ZC2HC1A: variants seen among roughly 807,000 people sequenced by gnomAD.
ZC2HC1A encodes the protein zinc finger C2HC domain-containing protein 1A.
ZC2HC1A carries 28 observed loss-of-function variants against 40.7 expected under a neutral mutation model. The observed-to-expected ratio is 0.69, with a 90% CI of 0.51 to 0.94. The LOEUF is 0.94. Ranked by LOEUF, ZC2HC1A falls within the 40% of genes least tolerant of loss-of-function variation. The pLI is 0.00. For missense variants in ZC2HC1A, 389 were observed against 386.3 expected (o/e 1.01, Z -0.06); for synonymous variants, 129 against 129.2 (o/e 1.00, Z 0.01).
intron 7 of ZC2HC1A, among the ~76,000 whole-genome samples, chr8:78,704,387 CAAAAAA>C (rs1307275741): frequency 3.1e-5 from 2 of 65,262 alleles, no homozygotes. Flanking sequence ...GACTCCATCT[CAAAAAA>C]AAAAAAAAAA....
chr8:78,700,891 G>A (rs1472181424), intron 7 of ZC2HC1A, among the ~76,000 whole-genome samples: 3 of 152,118 alleles, frequency 2.0e-5, no homozygotes, highest in African/African-American at 7.2e-5. Context: ...TTTGATTACT[G>A]TAGCCCTGTA....
intron 2 of ZC2HC1A, among the ~76,000 whole-genome samples, chr8:78,677,102 C>G (rs1251920611): frequency 6.6e-6 from 1 of 152,052 alleles, no homozygotes; most frequent in Non-Finnish European, 1.5e-5. Flanking sequence ...GCCTAAGAGG[C>G]TGCAAGACAC....
At position 78,697,405 on chromosome 8, in the gene ZC2HC1A, A is replaced by G; in HGVS notation, c.505-2A>G. 6.3e-7 allele frequency: 1 copy of G among 1,583,790 alleles called. No individual in the cohort carries two copies. Among genetic ancestry groups the G allele is most frequent in the Admixed American group, 1.9e-5 (1 of 51,420 alleles). ...ATTAATATTTTTTTTCCATTATTTT[A>G]GTATAAGCCACCCGCACTTAAAAAG... On this transcript the variant is annotated splice_acceptor_variant, in intron 5 of 8. Coordinates refer to ENST00000263849, the MANE Select transcript of ZC2HC1A (RefSeq NM_016010.3). LOFTEE classifies it high-confidence loss of function.
chr8:78,707,027 G>A lies in ZC2HC1A; in HGVS notation c.705-8194G>A, dbSNP rs150845834. Among the ~76,000 whole-genome samples the A allele has an allele frequency of 1.7e-3, 265 of 152,254 alleles. 1 individual carries two copies. The highest frequency in any genetic ancestry group is 6.1e-3 in the African/African-American group (255 of 41,540). ...AAAAGTAAAAAAATTTTATCTTTTA[G>A]TGGTAAGAAACTGATCTGATTTATT... On this transcript the variant is annotated intron_variant, in intron 7 of 8. Coordinates refer to ENST00000263849, the MANE Select transcript of ZC2HC1A (RefSeq NM_016010.3).
At chr8:78,666,662 A>C (rs1045626781) in intron 1 of ZC2HC1A, among the ~76,000 whole-genome samples, 1 of 152,162 alleles carries the variant, frequency 6.6e-6, no homozygotes, top group Non-Finnish European at 1.5e-5. Flanking sequence ...TTTCGACAGC[A>C]TCTTCTGTCG....
chr8:78,716,109 T>G (rs1811093211), intron 8 of ZC2HC1A, among the ~76,000 whole-genome samples: 1 of 151,432 alleles, frequency 6.6e-6, no homozygotes. Flanking sequence ...ATTACTGTTT[T>G]TTTTTGTTTT....
At chr8:78,669,263 A>C (rs966104123) in intron 1 of ZC2HC1A, among the ~76,000 whole-genome samples, 1 of 152,096 alleles carries the variant, frequency 6.6e-6, no homozygotes, top group Non-Finnish European at 1.5e-5. Context: ...TAGCTCTATG[A>C]TTTGGGCAGT....
chr8:78,675,595 C>T, intron 1 of ZC2HC1A, 192 bp from the exon 2 acceptor site: 4 of 513,396 alleles, frequency 7.8e-6, no homozygotes, highest in Non-Finnish European at 1.4e-5. Context: ...CATATTTATC[C>T]TGACCTTTTT....
chr8:78,681,038 TC>T lies in ZC2HC1A; in HGVS notation c.210+2361del, dbSNP rs1809760514. On this transcript the variant is annotated intron_variant, in intron 3 of 8. Coordinates refer to ENST00000263849, the MANE Select transcript of ZC2HC1A (RefSeq NM_016010.3). ...TAGAAAACATTAGTGAAAATCCCTT[TC>T]CTGAAGATGAGGGGCCTAACATAAA... is the stretch of plus-strand genomic sequence containing the variant. Among the ~76,000 whole-genome samples, 4 of 151,214 alleles carry T rather than the reference TC, an allele frequency of 2.6e-5. No homozygotes were observed. In the South Asian group the frequency reaches 8.4e-4, roughly 32 times the overall value.
chr8:78,698,282 A>G (rs1443099174), intron 6 of ZC2HC1A, 132 bp from the exon 7 acceptor site: 5 of 700,844 alleles, frequency 7.1e-6, no homozygotes, highest in Non-Finnish European at 1.1e-5. Context: ...TGCCATTTAA[A>G]AAATGTCTTC....
intron 5 of ZC2HC1A, among the ~76,000 whole-genome samples, chr8:78,692,102 A>G (rs1302190689): frequency 2.6e-5 from 4 of 152,160 alleles, no homozygotes; most frequent in Non-Finnish European, 4.4e-5. Flanking sequence ...CATTTACTGT[A>G]TTCACCATGC....
At position 78,697,421 on chromosome 8, in the gene ZC2HC1A, A is replaced by C. The variant is rs769129669; in HGVS notation, c.519A>C (p.Ala173=). The C allele has an allele frequency of 6.3e-7, 1 of 1,599,764 alleles. No individual in the cohort carries two copies. Among genetic ancestry groups the C allele is most frequent in the African/African-American group, 1.4e-5 (1 of 73,784 alleles). Residue 173 remains alanine, a synonymous_variant, in exon 6 of 9, where the codon GCA becomes GCC. Transcript: ENST00000263849. ...TSRTQVYKPP[A]LKKSNSPGTA... is the part of the protein sequence containing the mutation. The stretch of plus-strand genomic sequence containing the variant: ...CATTATTTTAGTATAAGCCACCCGC[A>C]CTTAAAAAGTCAAATTCTCCTGGAA...
chr8:78,693,820 T>C (rs1169873911), intron 5 of ZC2HC1A, among the ~76,000 whole-genome samples: 1 of 152,234 alleles, frequency 6.6e-6, no homozygotes. Flanking sequence ...GCCTGTGTCC[T>C]GAATGGTATT....
At chr8:78,667,561 T>A (rs1231798110) in intron 1 of ZC2HC1A, among the ~76,000 whole-genome samples, 1 of 152,198 alleles carries the variant, frequency 6.6e-6, no homozygotes, top group African/African-American at 2.4e-5. Context: ...CATTTGTTAT[T>A]AAGACAAAGA....
At chr8:78,677,366 T>C (rs1048268195) in intron 2 of ZC2HC1A, among the ~76,000 whole-genome samples, 1 of 150,512 alleles carries the variant, frequency 6.6e-6, no homozygotes, top group Non-Finnish European at 1.5e-5. Flanking sequence ...AAAAAAAAAA[T>C]CTGAATAGTA....
chr8:78,667,534 T>C (rs1215981875), intron 1 of ZC2HC1A, among the ~76,000 whole-genome samples: 1 of 152,182 alleles, frequency 6.6e-6, no homozygotes, highest in Non-Finnish European at 1.5e-5. Flanking sequence ...TTTGCAGATT[T>C]TTATTATTTT....
chr8:78,683,549 G>A (rs777236109), intron 3 of ZC2HC1A, among the ~76,000 whole-genome samples: 2 of 152,128 alleles, frequency 1.3e-5, no homozygotes, highest in Non-Finnish European at 2.9e-5. Context: ...CACACAGTAG[G>A]GGGGCCCTGG....
At chr8:78,706,626 G>A (rs1433226298) in intron 7 of ZC2HC1A, among the ~76,000 whole-genome samples, 3 of 152,072 alleles carry the variant, frequency 2.0e-5, no homozygotes, top group Admixed American at 2.0e-4. Context: ...TTCTCTGTGG[G>A]TCAAGTTGTT....
Position 78,717,461 on chromosome 8 carries a change from T to G in ZC2HC1A, c.946T>G (p.Cys316Gly). ...CCCTGTAGAATGGGCCAAATTTTGC[T>G]GTGAATGTGGCATTCGAAGAATGAT... The part of the protein sequence containing the change: ...KYPVEWAKFC[C>G]ECGIRRMIL Residue 316 changes from cysteine to glycine, a missense_variant, in exon 9 of 9, where the codon TGT becomes GGT. Cys to Gly is a radical substitution (Grantham distance 159). Coordinates refer to ENST00000263849, the MANE Select transcript of ZC2HC1A (RefSeq NM_016010.3). 6.3e-7 allele frequency: 1 copy of G among 1,599,186 alleles called. No homozygotes were observed. Among genetic ancestry groups the G allele is most frequent in the South Asian group, 1.1e-5 (1 of 87,074 alleles).
Sources: allele counts gnomAD v4.1 joint callset (sites outside exome capture counted in the v4.1 genomes callset), GRCh38; gene constraint gnomAD v4.1.1; transcripts MANE v1.5; gene names NCBI Gene and HGNC (gene_info 2026-07-23, HGNC 2026-07-21).